Variants in AP3S1 observed in about 807,000 individuals in gnomAD.
AP3S1 encodes the protein adaptor related protein complex 3 subunit sigma 1.
In AP3S1, 12 loss-of-function variants were observed where a neutral mutation model predicts 21.3. The ratio of observed to expected loss-of-function variants is 0.56; its 90% CI spans 0.36 to 0.91. The LOEUF is 0.91. AP3S1 is among the 40% of genes least tolerant of loss of function. The pLI is 0.01. For missense variants in AP3S1, 116 were observed against 225.0 expected (o/e 0.52, Z 3.10); for synonymous variants, 48 against 78.4 (o/e 0.61, Z 2.05).
At chr5:115,844,243 C>T (rs772726661) in intron 1 of AP3S1, among the ~76,000 whole-genome samples, 12 of 152,090 alleles carry the variant, frequency 7.9e-5, no homozygotes, top group Non-Finnish European at 1.6e-4. Context: ...CTACCATGTG[C>T]AGGCACTGTT....
At chr5:115,865,897 C>T (rs990640202) in intron 1 of AP3S1, among the ~76,000 whole-genome samples, 2 of 152,184 alleles carry the variant, frequency 1.3e-5, no homozygotes, top group Admixed American at 6.5e-5. Context: ...CTCCTGGGTT[C>T]AAGCGATTCT....
chr5:115,884,469 G>A (rs1055247266), intron 3 of AP3S1, among the ~76,000 whole-genome samples: 4 of 152,218 alleles, frequency 2.6e-5, no homozygotes, highest in African/African-American at 9.6e-5. Context: ...GGAGGCTGAG[G>A]CAGGAGAATC....
chr5:115,862,455 G>A (rs1447343474), intron 1 of AP3S1, among the ~76,000 whole-genome samples: 1 of 152,136 alleles, frequency 6.6e-6, no homozygotes, highest in East Asian at 1.9e-4. Context: ...CAAAATTTAT[G>A]CAAACACGTA....
intron 3 of AP3S1, among the ~76,000 whole-genome samples, chr5:115,885,232 A>T (rs1479673571): frequency 2.6e-5 from 4 of 152,182 alleles, no homozygotes; most frequent in Admixed American, 1.3e-4. Context: ...GAGTTAGTTT[A>T]TTAGGGAGAA....
intron 1 of AP3S1, among the ~76,000 whole-genome samples, chr5:115,856,243 T>G (rs1429856732): frequency 1.3e-5 from 2 of 152,200 alleles, no homozygotes; most frequent in African/African-American, 4.8e-5. Context: ...CAGCAGATAC[T>G]TATTTAATTT....
rs1041546268 is a variant in AP3S1, at chr5:115,906,699, T to C, written c.453+3707T>C. Reference sequence around the variant, plus strand: ...GGGAGATCTGTTAGCTTTTATGTATTTCATGTTATTCTTAAGATGGATAAA... The same window carrying C: ...GGGAGATCTGTTAGCTTTTATGTATCTCATGTTATTCTTAAGATGGATAAA... On this transcript the variant is annotated intron_variant, in intron 5 of 5. Transcript: ENST00000316788. 1.2e-4 allele frequency: 78 copies of C among 666,060 alleles called. No individual in the cohort carries two copies. The African/African-American group carries it at 1.4e-3, about 12-fold the overall frequency. 41.3% of individuals were successfully genotyped at this position (666,060 alleles called of 1,614,324 possible). A position where few individuals can be genotyped will look rare whatever the true frequency, so the allele number is the denominator to read the frequency against.
rs115034603 is a variant in AP3S1, at chr5:115,880,315, C to T, written c.273+10187C>T. ...TAGGGTGTCGATATTAGATCTTTCC[C>T]GCTTTCTCCTGTGGAGATTTTAGTG... On this transcript the variant is annotated intron_variant, in intron 3 of 5. Transcript: ENST00000316788. Among the ~76,000 whole-genome samples the T allele has an allele frequency of 7.0e-3, 1,070 of 152,180 alleles. 13 individuals carry two copies. The highest frequency in any genetic ancestry group is 0.025 in the African/African-American group (1,037 of 41,536).
At chr5:115,864,644 T>C (rs1763472320) in intron 1 of AP3S1, among the ~76,000 whole-genome samples, 1 of 152,214 alleles carries the variant, frequency 6.6e-6, no homozygotes, top group African/African-American at 2.4e-5. Context: ...TGAGCATGAC[T>C]TCACAGGATT....
At chr5:115,906,594 G>C (rs1183132169) in intron 5 of AP3S1, among the ~76,000 whole-genome samples, 2 of 152,060 alleles carry the variant, frequency 1.3e-5, no homozygotes, top group Non-Finnish European at 2.9e-5. Context: ...GATGGGATTC[G>C]GGGGAAGTAT....
Position 115,876,628 on chromosome 5 carries a change from T to A in AP3S1, c.273+6500T>A, listed in dbSNP as rs559253284. Among the ~76,000 whole-genome samples, 103 of 152,326 alleles carry A rather than the reference T, an allele frequency of 6.8e-4. 2 individuals carry two copies. The highest frequency in any genetic ancestry group is 6.6e-3 in the Admixed American group (101 of 15,286). ...CCCATTCAAATGTCCTTTTTCTCAT[T>A]CTGGATGTAATTCACACATTCCATT... On this transcript the variant is annotated intron_variant, in intron 3 of 5. Transcript: ENST00000316788.
chr5:115,905,551 A>G (rs1751575412), intron 5 of AP3S1, among the ~76,000 whole-genome samples: 1 of 152,224 alleles, frequency 6.6e-6, no homozygotes, highest in South Asian at 2.1e-4. Flanking sequence ...TATTTTAGTT[A>G]TGAAATCGGA....
intron 5 of AP3S1, among the ~76,000 whole-genome samples, chr5:115,911,393 A>G (rs1452744984): frequency 4.6e-5 from 7 of 151,908 alleles, no homozygotes; most frequent in African/African-American, 1.7e-4. Flanking sequence ...AATAATTCAC[A>G]CCTTTAAAAT....
At chr5:115,887,664 C>G (rs528482573) in intron 3 of AP3S1, among the ~76,000 whole-genome samples, 3 of 152,172 alleles carry the variant, frequency 2.0e-5, no homozygotes, top group East Asian at 3.9e-4. Context: ...ACTAAAACAA[C>G]TCTATGATAT....
At chr5:115,856,625 C>A (rs552567510) in intron 1 of AP3S1, among the ~76,000 whole-genome samples, 31 of 144,384 alleles carry the variant, frequency 2.1e-4, no homozygotes, top group African/African-American at 7.3e-4. Context: ...CCACCATGCT[C>A]AACTAAGTTT....
chr5:115,882,720 C>T lies in AP3S1; in HGVS notation c.274-12367C>T, dbSNP rs895371324. Among the ~76,000 whole-genome samples the T allele has an allele frequency of 5.3e-5, 8 of 152,188 alleles. No homozygotes were observed. In the East Asian group the frequency reaches 7.7e-4, roughly 15 times the overall value. On this transcript the variant is annotated intron_variant, in intron 3 of 5. Transcript: ENST00000316788. ...AGGCAGTCTGTCTCTTATCAGAGCT[C>T]GAGCACTGTGCTGGGAGATCTGCTG...
chr5:115,910,748 C>A (rs1192931538), intron 5 of AP3S1, among the ~76,000 whole-genome samples: 2 of 151,982 alleles, frequency 1.3e-5, no homozygotes, highest in African/African-American at 4.8e-5. Flanking sequence ...CTGGTTTAAA[C>A]ATCTGTTGAT....
intron 3 of AP3S1, among the ~76,000 whole-genome samples, chr5:115,889,496 A>G (rs1336943074): frequency 6.6e-6 from 1 of 152,226 alleles, no homozygotes; most frequent in East Asian, 1.9e-4. Context: ...CTGTAAGCCA[A>G]GATTCCTTAA....
chr5:115,911,774 A>T (rs768285060), intron 5 of AP3S1, among the ~76,000 whole-genome samples: 1 of 151,828 alleles, frequency 6.6e-6, no homozygotes, highest in African/African-American at 2.4e-5. Flanking sequence ...TATCTCCAAC[A>T]TCTTTGGGGG....
intron 3 of AP3S1, among the ~76,000 whole-genome samples, chr5:115,884,124 T>C (rs1033901271): frequency 8.5e-5 from 13 of 152,174 alleles, no homozygotes; most frequent in African/African-American, 3.1e-4. Context: ...GATCTATTAA[T>C]GTGGTACCCT....
Sources: gnomAD v4.1 joint callset for allele counts (sites outside exome capture counted in the v4.1 genomes callset) on GRCh38, gnomAD v4.1.1 for gene constraint, MANE v1.5 for transcripts, NCBI Gene and HGNC (gene_info 2026-07-23, HGNC 2026-07-21) for gene names.